RBM46: variants seen among roughly 807,000 people sequenced by gnomAD.
RBM46 encodes the protein RNA binding motif protein 46.
A neutral mutation model predicts 43.3 loss-of-function variants in RBM46; 12 were observed. That is an observed-to-expected ratio of 0.28 (90% CI 0.18 to 0.45). The LOEUF (loss-of-function observed/expected upper bound fraction) is 0.45. Among genes scored for constraint, RBM46 ranks in the 20% least tolerant of loss-of-function variants. The pLI, the probability that RBM46 is intolerant of heterozygous loss-of-function variation, is 1.00. For synonymous variants in RBM46, 205 were observed against 207.6 expected, an observed-to-expected ratio of 0.99 and a Z score of 0.11; for missense variants, 412 against 639.1, an observed-to-expected ratio of 0.64 and a Z score of 3.83.
chr4:154,801,453 A>G (rs776804901), intron 4 of RBM46, among the ~76,000 whole-genome samples: 7 of 152,212 alleles, frequency 4.6e-5, no homozygotes, highest in African/African-American at 1.7e-4. Context: ...TTTACTTTCA[A>G]TAAAGACCAT....
rs201454455 is a variant in RBM46 at position 154,827,982 on chromosome 4, A to C, written c.1517A>C (p.Tyr506Ser). ...TCAAGGCCTTATTCTTATCCAGGCT[A>C]TCCTTTGTCACCAACAATATCACTT... is the stretch of plus-strand genomic sequence containing the variant. ...YTSRPYSYPG[Y>S]PLSPTISLAN... The change falls in exon 5 of 5, where the codon TAT (tyrosine) becomes TCT (serine). Residue 506 changes from tyrosine to serine, a missense_variant. Coordinates refer to ENST00000281722, the MANE Select transcript of RBM46 (RefSeq NM_144979.5). The C allele has an allele frequency of 1.2e-6, 2 of 1,613,952 alleles. No homozygotes were observed. Among genetic ancestry groups the C allele is most frequent in the Admixed American group, 3.3e-5 (2 of 59,990 alleles).
intron 4 of RBM46, among the ~76,000 whole-genome samples, chr4:154,809,859 T>A (rs185365413): frequency 6.7e-4 from 102 of 152,258 alleles, no homozygotes; most frequent in Non-Finnish European, 4.4e-5. Flanking sequence ...ATTCAGATTT[T>A]AAATTGGAGA....
chr4:154,824,163 A>G (rs927947862), intron 4 of RBM46, among the ~76,000 whole-genome samples: 7 of 151,926 alleles, frequency 4.6e-5, no homozygotes, highest in Non-Finnish European at 7.4e-5. Flanking sequence ...AAGGGAATGC[A>G]GAGCTACATG....
intron 4 of RBM46, among the ~76,000 whole-genome samples, chr4:154,803,697 C>T (rs1400957609): frequency 8.3e-5 from 7 of 84,190 alleles, no homozygotes; most frequent in African/African-American, 2.2e-4. Flanking sequence ...AGCCAGACTA[C>T]GTCTCAAAAA....
At chr4:154,797,193 AGAG>A (rs1289499102) in intron 2 of RBM46, among the ~76,000 whole-genome samples, 1 of 152,208 alleles carries the variant, frequency 6.6e-6, no homozygotes, top group Non-Finnish European at 1.5e-5. Context: ...TAGGTGTTAA[AGAG>A]GAGATCATCT....
At chr4:154,781,529 G>C (rs867087718) in intron 1 of RBM46, 93 bp downstream of exon 1, 1 of 152,752 alleles carries the variant, frequency 6.5e-6, no homozygotes, top group Non-Finnish European at 1.5e-5. Context: ...TACACAGTGG[G>C]GGCTGGCGGC....
chr4:154,825,413 C>G (rs903392148), intron 4 of RBM46, among the ~76,000 whole-genome samples: 1 of 152,070 alleles, frequency 6.6e-6, no homozygotes, highest in African/African-American at 2.4e-5. Flanking sequence ...TATTTTCCAA[C>G]CAGCTAGATG....
At chr4:154,798,309 C>A (rs1459711163) in intron 3 of RBM46, 31 bp downstream of exon 3, 5 of 1,353,848 alleles carry the variant, frequency 3.7e-6, no homozygotes, top group Non-Finnish European at 4.1e-6. Flanking sequence ...TCAATATTAA[C>A]ATTATTACAA....
intron 4 of RBM46, among the ~76,000 whole-genome samples, chr4:154,826,166 A>G (rs1735950676): frequency 6.6e-6 from 1 of 151,848 alleles, no homozygotes; most frequent in Admixed American, 6.6e-5. Context: ...AAAAAAAGAA[A>G]AAAAAAAAGC....
At chr4:154,803,421 C>T (rs2111153754) in intron 4 of RBM46, among the ~76,000 whole-genome samples, 1 of 152,206 alleles carries the variant, frequency 6.6e-6, no homozygotes, top group Middle Eastern at 3.4e-3. Context: ...AAATTATGGG[C>T]TGGGCGCGGT....
At position 154,781,435 on chromosome 4, in the gene RBM46, G is replaced by T. The variant is rs548763462; in HGVS notation, c.-13G>T. On this transcript the variant is annotated splice_region_variant and 5_prime_UTR_variant, in exon 1 of 5. Coordinates refer to ENST00000281722, the MANE Select transcript of RBM46 (RefSeq NM_144979.5). ...AGGACCAACATTTGAAGACCCGAAG[G>T]GGTGAGGAGGGGAAAGGGGAAACGG... is the stretch of plus-strand genomic sequence containing the variant. The T allele has an allele frequency of 3.9e-5, 6 of 152,456 alleles. No homozygotes were observed. The East Asian group carries it at 1.2e-3, about 30-fold the overall frequency. The allele number at this position is 152,456 out of a possible 1,614,324, so 9.4% of individuals were successfully genotyped here. A position where few individuals can be genotyped will look rare whatever the true frequency, so the allele number is the denominator to read the frequency against.
At chr4:154,782,538 C>T (rs1733541835) in intron 1 of RBM46, among the ~76,000 whole-genome samples, 1 of 152,158 alleles carries the variant, frequency 6.6e-6, no homozygotes. Flanking sequence ...GGCGGGAGAG[C>T]AGTGGCAGGA....
chr4:154,820,535 AT>A (rs1735675855), intron 4 of RBM46: 1 of 537,864 alleles, frequency 1.9e-6, no homozygotes, highest in Non-Finnish European at 3.1e-6. Flanking sequence ...TTTATGAAGT[AT>A]TTTTTATAAT....
chr4:154,789,655 C>A (rs1267037071), intron 1 of RBM46, among the ~76,000 whole-genome samples: 1 of 152,072 alleles, frequency 6.6e-6, no homozygotes, highest in East Asian at 1.9e-4. Context: ...TGTGTCTCTG[C>A]CAGGCTTTGG....
At chr4:154,788,674 T>C (rs1208313718) in intron 1 of RBM46, among the ~76,000 whole-genome samples, 6 of 152,192 alleles carry the variant, frequency 3.9e-5, no homozygotes, top group Non-Finnish European at 7.4e-5. Context: ...TAGGCTCTTG[T>C]TTGGTTCCAT....
intron 4 of RBM46, among the ~76,000 whole-genome samples, chr4:154,801,666 A>T (rs1238471390): frequency 6.6e-6 from 1 of 152,134 alleles, no homozygotes; most frequent in Non-Finnish European, 1.5e-5. Context: ...TTACACATAA[A>T]CTTCTAAAAT....
chr4:154,816,635 AC>A (rs920634599), intron 4 of RBM46, among the ~76,000 whole-genome samples: 44 of 152,154 alleles, frequency 2.9e-4, no homozygotes, highest in African/African-American at 9.2e-4. Flanking sequence ...ACTTTTATCA[AC>A]TAAATGTAAA....
intron 4 of RBM46, among the ~76,000 whole-genome samples, chr4:154,802,288 G>A (rs890655283): frequency 6.6e-6 from 1 of 152,130 alleles, no homozygotes; most frequent in Non-Finnish European, 1.5e-5. Flanking sequence ...CAGAGATCAG[G>A]GGTCTAGGAA....
At chr4:154,824,665 T>C (rs1174512146) in intron 4 of RBM46, among the ~76,000 whole-genome samples, 1 of 152,042 alleles carries the variant, frequency 6.6e-6, no homozygotes, top group African/African-American at 2.4e-5. Flanking sequence ...GGATTCTCTT[T>C]GTGAATGGAA....
Sources: allele counts gnomAD v4.1 joint callset (sites outside exome capture counted in the v4.1 genomes callset), GRCh38; gene constraint gnomAD v4.1.1; transcripts MANE v1.5; gene names NCBI Gene and HGNC (gene_info 2026-07-23, HGNC 2026-07-21).